Variants in XKR6 observed in about 807,000 individuals in gnomAD.
XKR6 encodes the protein XK-related protein 6.
In XKR6, 22 loss-of-function variants were observed where a neutral mutation model predicts 56.7. The observed-to-expected ratio is 0.39, with a 90% CI of 0.28 to 0.55. The LOEUF (loss-of-function observed/expected upper bound fraction) is 0.55, where lower values mean the gene tolerates loss of function less well. XKR6 is among the 20% of genes least tolerant of loss of function. The pLI is 0.66. For missense variants in XKR6, 852 were observed against 889.0 expected, an observed-to-expected ratio of 0.96 and a Z score of 0.53; for synonymous variants, 524 against 387.8, an observed-to-expected ratio of 1.35 and a Z score of -4.13.
intron 1 of XKR6, among the ~76,000 whole-genome samples, chr8:11,174,746 T>C (rs1039575926): frequency 3.9e-5 from 6 of 152,046 alleles, no homozygotes; most frequent in African/African-American, 9.7e-5. Flanking sequence ...TTTCCAAGTC[T>C]AGCTCTCACC....
chr8:10,911,481 A>T (rs957352992), intron 2 of XKR6, among the ~76,000 whole-genome samples: 3 of 148,242 alleles, frequency 2.0e-5, no homozygotes, highest in South Asian at 2.1e-4. Flanking sequence ...ATGTGTATAT[A>T]TATATATAGA....
At chr8:11,062,862 G>A (rs1479336443) in intron 1 of XKR6, 1 of 456,230 alleles carries the variant, frequency 2.2e-6, no homozygotes, top group Admixed American at 2.3e-5. Flanking sequence ...AATGGGAGGT[G>A]AGTGGAAGTG....
At chr8:11,071,804 C>T (rs1335529511) in intron 1 of XKR6, among the ~76,000 whole-genome samples, 1 of 152,202 alleles carries the variant, frequency 6.6e-6, no homozygotes, top group Non-Finnish European at 1.5e-5. Context: ...TTAAGGTGGC[C>T]CAGCACCCTC....
chr8:11,131,545 G>C (rs910886963), intron 1 of XKR6, among the ~76,000 whole-genome samples: 1 of 152,072 alleles, frequency 6.6e-6, no homozygotes, highest in Non-Finnish European at 1.5e-5. Context: ...AATTCAAAAA[G>C]TGAACAAAGG....
intron 1 of XKR6, among the ~76,000 whole-genome samples, chr8:11,177,932 C>A (rs1802745131): frequency 6.6e-6 from 1 of 152,216 alleles, no homozygotes; most frequent in Non-Finnish European, 1.5e-5. Context: ...TCCTGCTCCA[C>A]CTAAGCCCCT....
At position 11,200,020 on chromosome 8, in the gene XKR6, G is replaced by A. The variant is rs1043342327; in HGVS notation, c.764+556C>T. ...CCTTCTGGGAAAGCAGTGGTTTGGA[G>A]TCATTCACAGGGGCTGGGAGTGCAG... is the stretch of plus-strand genomic sequence containing the variant. On this transcript the variant is annotated intron_variant, in intron 1 of 2. Transcript: ENST00000416569. The surrounding 1 kb of genome is among the most constrained non-coding windows in gnomAD (Gnocchi z 6.4). 6.6e-6 allele frequency among the ~76,000 whole-genome samples: 1 copy of A among 152,278 alleles called. No individual in the cohort carries two copies.
rs1249835141 is a variant in XKR6 at position 11,201,184 on chromosome 8, G to C, written c.156C>G (p.Ser52Arg). 2 of 1,528,658 alleles carry C rather than the reference G, an allele frequency of 1.3e-6. No homozygotes were observed. The highest frequency in any genetic ancestry group is 8.7e-7 in the Non-Finnish European group (1 of 1,144,446). 94.7% of individuals were successfully genotyped at this position (1,528,658 alleles called of 1,614,324 possible). A position where few individuals can be genotyped will look rare whatever the true frequency, so the allele number is the denominator to read the frequency against. Residue 52 changes from serine (S) to arginine (R), a missense_variant, in exon 1 of 3, where the codon AGC becomes AGG. Transcript: ENST00000416569. The stretch of plus-strand genomic sequence containing the variant: ...TGCAGCAGTGGCAGATGTGCATCGA[G>C]CTGCTCTCGCCGGGCTCGCTGCCGT... ...GGDGSEPGES[S>R]SMHICHCCNT...
intron 1 of XKR6, among the ~76,000 whole-genome samples, chr8:11,099,552 T>C (rs1798388462): frequency 6.6e-6 from 1 of 152,224 alleles, no homozygotes; most frequent in Non-Finnish European, 1.5e-5. Context: ...ATTTTTTTCA[T>C]AACTCCTTTA....
At chr8:10,923,781 C>G (rs149098318) in intron 2 of XKR6, among the ~76,000 whole-genome samples, 3 of 152,184 alleles carry the variant, frequency 2.0e-5, no homozygotes, top group Non-Finnish European at 4.4e-5. Context: ...CCAGGAGGTA[C>G]TGCTGGCCAG....
chr8:11,140,034 C>A (rs1320447366), intron 1 of XKR6, among the ~76,000 whole-genome samples: 1 of 151,426 alleles, frequency 6.6e-6, no homozygotes, highest in Non-Finnish European at 1.5e-5. Flanking sequence ...AGGAGAAACT[C>A]GTTTTATACA....
rs78496025 is a variant in XKR6 at position 11,189,210 on chromosome 8, C to A, written c.764+11366G>T. Among the ~76,000 whole-genome samples, 462 of 152,234 alleles carry A rather than the reference C, an allele frequency of 3.0e-3. 8 individuals carry two copies. The highest frequency in any genetic ancestry group is 0.022 in the South Asian group (104 of 4,828). ...AAATATAACATTTCTGAATTTGAGA[C>A]ACAAAATTCACTGGATTGAAATATC... On this transcript the variant is annotated intron_variant, in intron 1 of 2. Coordinates refer to ENST00000416569, the MANE Select transcript of XKR6 (RefSeq NM_173683.4).
At chr8:11,026,791 A>G (rs115746816) in intron 1 of XKR6, among the ~76,000 whole-genome samples, 5 of 151,336 alleles carry the variant, frequency 3.3e-5, no homozygotes, top group African/African-American at 1.2e-4. Context: ...ACACACCTAG[A>G]TGGTCTAGGC....
chr8:11,184,993 C>T (rs1212104967), intron 1 of XKR6, among the ~76,000 whole-genome samples: 1 of 152,200 alleles, frequency 6.6e-6, no homozygotes. Flanking sequence ...CCATTCCCAA[C>T]CGGGCCACTG....
chr8:11,173,386 CAAATATATAT>C (rs1802483651), intron 1 of XKR6, among the ~76,000 whole-genome samples: 2 of 149,562 alleles, frequency 1.3e-5, no homozygotes, highest in South Asian at 2.1e-4. Flanking sequence ...CACACACACA[CAAATATATAT>C]ACATATATAT....
rs558448381 is a variant in XKR6, at chr8:10,919,385, G to A, written c.961+5249C>T. Among the ~76,000 whole-genome samples the A allele has an allele frequency of 5.9e-5, 9 of 152,252 alleles. No individual in the cohort carries two copies. The East Asian group carries it at 7.7e-4, about 13-fold the overall frequency. On this transcript the variant is annotated intron_variant, in intron 2 of 2. Coordinates refer to ENST00000416569, the MANE Select transcript of XKR6 (RefSeq NM_173683.4). ...TGCTTCAATACTCTAACCATCACGC[G>A]TTGTCTAATTGTTTTTGTGCTGTGT... is the stretch of plus-strand genomic sequence containing the variant.
chr8:11,116,259 T>C (rs1455190414), intron 1 of XKR6, among the ~76,000 whole-genome samples: 2 of 152,212 alleles, frequency 1.3e-5, no homozygotes, highest in African/African-American at 2.4e-5. Context: ...AACTAATTCA[T>C]AGATACCCTT....
intron 1 of XKR6, chr8:11,123,565 TAATAGA>T: frequency 7.4e-6 from 2 of 271,756 alleles, no homozygotes; most frequent in South Asian, 4.0e-5. Context: ...AAACTGGAAC[TAATAGA>T]AATAATCATA....
chr8:10,970,900 G>T (rs1391947666), intron 1 of XKR6, among the ~76,000 whole-genome samples: 1 of 151,092 alleles, frequency 6.6e-6, no homozygotes, highest in Non-Finnish European at 1.5e-5. Flanking sequence ...AGATTCCAGT[G>T]CCAGGAAGAG....
At chr8:11,164,121 C>T (rs886647222) in intron 1 of XKR6, among the ~76,000 whole-genome samples, 3 of 152,208 alleles carry the variant, frequency 2.0e-5, no homozygotes, top group East Asian at 1.9e-4. Flanking sequence ...ACCCACTTCC[C>T]TTCTGGGTCT....
Sources: allele counts gnomAD v4.1 joint callset (sites outside exome capture counted in the v4.1 genomes callset), GRCh38; gene constraint gnomAD v4.1.1; non-coding constraint Gnocchi (gnomAD v3.1); transcripts MANE v1.5; gene names NCBI Gene and HGNC (gene_info 2026-07-23, HGNC 2026-07-21).